The following OGFR variants were observed in gnomAD, a reference collection of about 807,000 sequenced individuals.
OGFR encodes the protein protein 7-60.
Under a neutral mutation model 33.6 loss-of-function variants are expected in OGFR, and 18 were observed. That is an observed-to-expected ratio of 0.54 (90% CI 0.37 to 0.80). The LOEUF (loss-of-function observed/expected upper bound fraction) is 0.80. OGFR is among the 30% of genes least tolerant of loss of function. The pLI is 0.00. For synonymous variants in OGFR, 370 were observed against 400.7 expected, an observed-to-expected ratio of 0.92 and a Z score of 0.91; for missense variants, 877 against 955.8, an observed-to-expected ratio of 0.92 and a Z score of 1.09.
chr20:62,807,482 G>A (rs775267447), intron 1 of OGFR, 55 bp from the exon 2 acceptor site: 188 of 1,539,062 alleles, frequency 1.2e-4, no homozygotes, highest in Non-Finnish European at 1.6e-4. Flanking sequence ...CACCACGTTG[G>A]GACTCACTTG....
intron 2 of OGFR, 189 bp downstream of exon 2, chr20:62,807,794 C>T: frequency 1.6e-6 from 1 of 626,970 alleles, no homozygotes; most frequent in South Asian, 2.0e-5. Flanking sequence ...TCGCGGGAGA[C>T]CGGGGGCATC....
rs747143666 is a variant in OGFR, at chr20:62,812,450, C to T, written c.835C>T (p.Arg279Trp). The change falls in exon 7 of 7, where the codon CGG (arginine) becomes TGG (tryptophan). Residue 279 changes from arginine to tryptophan, a missense_variant. Transcript: ENST00000290291. ...QLVHFAWEHFRPRCKFVWGPQ... is the reference protein window; with the variant it reads ...QLVHFAWEHFWPRCKFVWGPQ... ...GGTGCACTTCGCCTGGGAGCACTTC[C>T]GGCCCCGCTGCAAGTTCGTCTGGGG... 68 of 1,580,012 alleles carry T rather than the reference C, an allele frequency of 4.3e-5. No individual in the cohort carries two copies. Among genetic ancestry groups the T allele is most frequent in the East Asian group, 9.3e-5 (4 of 42,964 alleles).
chr20:62,812,412 A>T lies in OGFR; in HGVS notation c.797A>T (p.Gln266Leu), dbSNP rs900569943. Residue 266 changes from glutamine to leucine, a missense_variant, in exon 7 of 7, where the codon CAG becomes CTG. Transcript: ENST00000290291. Reference sequence around the variant, plus strand: ...ATGTTCGCCGTGCGCTGCCGACACCAGCGCCGCCAGCTGGTGCACTTCGCC... The same window carrying T: ...ATGTTCGCCGTGCGCTGCCGACACCTGCGCCGCCAGCTGGTGCACTTCGCC... Reference protein sequence around the residue: ...YFMFAVRCRHQRRQLVHFAWE... With the variant: ...YFMFAVRCRHLRRQLVHFAWE... 4.4e-6 allele frequency: 7 copies of T among 1,579,634 alleles called. No homozygotes were observed. Among genetic ancestry groups the T allele is most frequent in the Non-Finnish European group, 5.2e-6 (6 of 1,163,960 alleles).
intron 4 of OGFR, 58 bp downstream of exon 4, chr20:62,809,721 C>T (rs966336929): frequency 1.3e-5 from 18 of 1,344,692 alleles, no homozygotes; most frequent in Non-Finnish European, 1.3e-5. Flanking sequence ...GGAGGGCCCT[C>T]CCAGGCAGGA....
At chr20:62,811,914 C>T (rs1423203327) in intron 6 of OGFR, among the ~76,000 whole-genome samples, 1 of 152,200 alleles carries the variant, frequency 6.6e-6, no homozygotes, top group East Asian at 1.9e-4. Context: ...GTTCGAGGCG[C>T]CTGTACCCTG....
chr20:62,807,473 A>G, intron 1 of OGFR, 64 bp from the exon 2 acceptor site: 1 of 1,483,218 alleles, frequency 6.7e-7, no homozygotes, highest in Non-Finnish European at 9.3e-7. Context: ...TGCAGCCCTC[A>G]CCACGTTGGG....
At chr20:62,811,311 A>G in intron 5 of OGFR, 151 bp from the exon 6 acceptor site, 1 of 874,510 alleles carries the variant, frequency 1.1e-6, no homozygotes. Flanking sequence ...CAGCCTGGGC[A>G]ACAGAGCAAG....
Position 62,804,871 on chromosome 20 carries a change from C to T in OGFR, c.12C>T (p.Pro4=), listed in dbSNP as rs1486089229. The T allele has an allele frequency of 1.3e-5, 19 of 1,483,934 alleles. No individual in the cohort carries two copies. In the East Asian group the frequency reaches 3.6e-4, roughly 28 times the overall value. The allele number at this position is 1,483,934 out of a possible 1,614,324, so 91.9% of individuals were successfully genotyped here. MDD[P]DCDSTWEEDE... ...CGCCGCCGCCGAGCATGGACGACCC[C>T]GACTGCGACTCCACCTGGGAGGAGG... The change falls in exon 1 of 7, where the codon CCC becomes CCT. Residue 4 remains proline, a synonymous_variant. Coordinates refer to ENST00000290291, the MANE Select transcript of OGFR (RefSeq NM_007346.4).
Position 62,813,096 on chromosome 20 carries a change from G to C in OGFR, c.1481G>C (p.Gly494Ala). Residue 494 changes from glycine (G) to alanine (A), a missense_variant, in exon 7 of 7, where the codon GGA becomes GCA. Around this residue, in one of 3 missense-constraint regions of OGFR, gnomAD observed 760 missense variants for 736.0 expected, o/e 1.03. Coordinates refer to ENST00000290291, the MANE Select transcript of OGFR (RefSeq NM_007346.4). ...GCCCCATCGGGGCACCCCAAGGCTG[G>C]ACACAGTGAGAACGGGGTTGAGGAG... Reference protein sequence around the residue: ...SPAPSGHPKAGHSENGVEEDT... With the variant: ...SPAPSGHPKAAHSENGVEEDT... The C allele has an allele frequency of 6.3e-7, 1 of 1,579,218 alleles. No individual in the cohort carries two copies. Among genetic ancestry groups the C allele is most frequent in the South Asian group, 1.1e-5 (1 of 87,420 alleles).
Position 62,808,235 on chromosome 20 carries a change from C to T in OGFR, c.241-12C>T. ...GATGGATCCCTGCTGTCCCCTTTCT[C>T]TGGCTCTTCAGGATCTGGTGGAACG... On this transcript the variant is annotated splice_polypyrimidine_tract_variant and intron_variant, in intron 2 of 6. Coordinates refer to ENST00000290291, the MANE Select transcript of OGFR (RefSeq NM_007346.4). 7 of 1,609,144 alleles carry T rather than the reference C, an allele frequency of 4.4e-6. No homozygotes were observed. Among genetic ancestry groups the T allele is most frequent in the Non-Finnish European group, 5.1e-6 (6 of 1,176,002 alleles).
Position 62,813,641 on chromosome 20 carries a change from A to C in OGFR, c.2026A>C (p.Lys676Gln), listed in dbSNP as rs1191567031. The C allele has an allele frequency of 6.2e-7, 1 of 1,612,458 alleles. No individual in the cohort carries two copies. The highest frequency in any genetic ancestry group is 1.3e-5 in the African/African-American group (1 of 74,996). The change falls in exon 7 of 7, where the codon AAG becomes CAG. Residue 676 changes from lysine to glutamine, a missense_variant. By Grantham distance (53) the Lys-to-Gln change is moderately conservative (BLOSUM62 1). This residue lies in a region of OGFR where 45 missense variants were observed against 38.0 expected (regional missense o/e 1.19). Coordinates refer to ENST00000290291, the MANE Select transcript of OGFR (RefSeq NM_007346.4). ...GGTGGAGTCTTCTGCCAAGTCTGGG[A>C]AGCCTTAAGGAAAGGAGTGCCCGTC... ...AEVESSAKSG[K>Q]P
At chr20:62,807,505 G>C in intron 1 of OGFR, 32 bp from the exon 2 acceptor site, 1 of 1,604,730 alleles carries the variant, frequency 6.2e-7, no homozygotes, top group Non-Finnish European at 8.5e-7. Flanking sequence ...GGTCTCCCAT[G>C]GGGGTCCTAA....
chr20:62,810,444 C>T lies in OGFR; in HGVS notation c.399-55C>T, dbSNP rs1261967658. The T allele has an allele frequency of 7.0e-6, 11 of 1,575,612 alleles. No homozygotes were observed. The East Asian group carries it at 9.0e-5, about 13-fold the overall frequency. Reference sequence around the variant, plus strand: ...CCGGGCTACACAGCGAGCACCTGCCCAAGGTCTGGAAGCGGCTCTCCTAAT... The same window carrying T: ...CCGGGCTACACAGCGAGCACCTGCCTAAGGTCTGGAAGCGGCTCTCCTAAT... On this transcript the variant is annotated intron_variant, in intron 4 of 6. Transcript: ENST00000290291.
At chr20:62,806,674 C>T (rs36052174) in intron 1 of OGFR, 31 of 152,224 alleles carry the variant, frequency 2.0e-4, no homozygotes, top group Admixed American at 1.8e-3. Context: ...TCCTAACCCC[C>T]CTTCTAGCAC....
Position 62,813,803 on chromosome 20 carries a change from C to T in OGFR, c.*154C>T, listed in dbSNP as rs1407242402. 2.3e-6 allele frequency: 2 copies of T among 881,344 alleles called. No individual in the cohort carries two copies. Among genetic ancestry groups the T allele is most frequent in the Non-Finnish European group, 3.5e-6 (2 of 573,470 alleles). 54.6% of individuals were successfully genotyped at this position (881,344 alleles called of 1,614,324 possible). A position where few individuals can be genotyped will look rare whatever the true frequency, so the allele number is the denominator to read the frequency against. On this transcript the variant is annotated 3_prime_UTR_variant, in exon 7 of 7. Coordinates refer to ENST00000290291, the MANE Select transcript of OGFR (RefSeq NM_007346.4). Reference sequence around the variant, plus strand: ...TCCTGTGGGGCCACTATAGCAGCCACCAGAAGCCGCGAGGCCCTCAGGGAA... The same window carrying T: ...TCCTGTGGGGCCACTATAGCAGCCATCAGAAGCCGCGAGGCCCTCAGGGAA...
chr20:62,812,456 C>T lies in OGFR; in HGVS notation c.841C>T (p.Arg281Cys), dbSNP rs899098194. The T allele has an allele frequency of 2.6e-5, 41 of 1,581,000 alleles. No individual in the cohort carries two copies. The highest frequency in any genetic ancestry group is 4.6e-5 in the East Asian group (2 of 43,140). The change falls in exon 7 of 7, where the codon CGC (arginine) becomes TGC (cysteine). Residue 281 changes from arginine (R) to cysteine (C), a missense_variant. Around this residue, in one of 3 missense-constraint regions of OGFR, gnomAD observed 760 missense variants for 736.0 expected, o/e 1.03. Transcript: ENST00000290291. ...VHFAWEHFRP[R>C]CKFVWGPQDK... is the part of the protein sequence containing the mutation. ...CTTCGCCTGGGAGCACTTCCGGCCCCGCTGCAAGTTCGTCTGGGGGCCCCA... is the reference window on the plus strand; with the variant it reads ...CTTCGCCTGGGAGCACTTCCGGCCCTGCTGCAAGTTCGTCTGGGGGCCCCA...
At position 62,813,912 on chromosome 20, in the gene OGFR, C is replaced by T. The variant is rs1316307331; in HGVS notation, c.*263C>T. ...TGCGCCCCTGTCTTTGTAAATTGAC[C>T]CTTCTGGAGTGGGGGGCGGCGGGCA... On this transcript the variant is annotated 3_prime_UTR_variant, in exon 7 of 7. Transcript: ENST00000290291. 1.8e-6 allele frequency: 1 copy of T among 569,418 alleles called. No homozygotes were observed. The highest frequency in any genetic ancestry group is 3.1e-6 in the Non-Finnish European group (1 of 321,264). The allele number at this position is 569,418 out of a possible 1,614,324, so 35.3% of individuals were successfully genotyped here. A position where few individuals can be genotyped will look rare whatever the true frequency, so the allele number is the denominator to read the frequency against.
chr20:62,808,227 C>T lies in OGFR; in HGVS notation c.241-20C>T, dbSNP rs371904792. 4.4e-6 allele frequency: 7 copies of T among 1,594,418 alleles called. No individual in the cohort carries two copies. In the African/African-American group the frequency reaches 8.0e-5, roughly 18 times the overall value. Reference sequence around the variant, plus strand: ...TTGTGTCTGATGGATCCCTGCTGTCCCCTTTCTCTGGCTCTTCAGGATCTG... The same window carrying T: ...TTGTGTCTGATGGATCCCTGCTGTCTCCTTTCTCTGGCTCTTCAGGATCTG... On this transcript the variant is annotated intron_variant, in intron 2 of 6. Coordinates refer to ENST00000290291, the MANE Select transcript of OGFR (RefSeq NM_007346.4).
intron 3 of OGFR, among the ~76,000 whole-genome samples, chr20:62,809,004 G>C (rs1404131142): frequency 1.2e-5 from 1 of 81,404 alleles, no homozygotes; most frequent in South Asian, 4.0e-4. Context: ...AAAAAAAAAA[G>C]AACAGTGTTC....
Sources: allele counts gnomAD v4.1 joint callset (sites outside exome capture counted in the v4.1 genomes callset), GRCh38; gene constraint gnomAD v4.1.1; regional missense constraint gnomAD v4.1.1; transcripts MANE v1.5; gene names NCBI Gene and HGNC (gene_info 2026-07-23, HGNC 2026-07-21).